CCND3: variants seen among roughly 807,000 people sequenced by gnomAD.
The protein encoded by CCND3 is cyclin D3.
In CCND3, 9 loss-of-function variants were observed where a neutral mutation model predicts 28.7. The ratio of observed to expected loss-of-function variants is 0.31; its 90% CI spans 0.19 to 0.55. The LOEUF (loss-of-function observed/expected upper bound fraction) is 0.55, where lower values mean the gene tolerates loss of function less well. Ranked by LOEUF, CCND3 falls within the 20% of genes least tolerant of loss-of-function variation. CCND3 has a pLI of 0.93. For missense variants in CCND3, 315 were observed against 385.8 expected (o/e 0.82, Z 1.54); for synonymous variants, 164 against 163.9 (o/e 1.00, Z 0.00).
At position 41,936,069 on chromosome 6, in the gene CCND3, T is replaced by C; in HGVS notation, c.750A>G (p.Ala250=). The change falls in exon 5 of 5, where the codon GCA becomes GCG. Residue 250 remains alanine, a synonymous_variant. Transcript: ENST00000372991. This position sits in a 1 kb window ranked among gnomAD's most constrained non-coding sequence, Gnocchi z 4.4. ...LRACQEQIEA[A]LRESLREASQ... ...AGGCTTCCCTGAGGCTCTCCCTGAGTGCAGCTTCGATCTGCTCCTGACAGG... is the reference window on the plus strand; with the variant it reads ...AGGCTTCCCTGAGGCTCTCCCTGAGCGCAGCTTCGATCTGCTCCTGACAGG... 1.9e-6 allele frequency: 3 copies of C among 1,610,758 alleles called. No homozygotes were observed. Among genetic ancestry groups the C allele is most frequent in the South Asian group, 2.2e-5 (2 of 90,880 alleles).
At chr6:42,027,363 G>A (rs1457003829) in intron 1 of CCND3, among the ~76,000 whole-genome samples, 1 of 151,688 alleles carries the variant, frequency 6.6e-6, no homozygotes, top group African/African-American at 2.4e-5. Context: ...TGGCGTGAAC[G>A]CGGGAGGCAG....
intron 1 of CCND3, among the ~76,000 whole-genome samples, chr6:41,987,935 T>C (rs1329986822): frequency 3.3e-5 from 5 of 152,022 alleles, no homozygotes; most frequent in African/African-American, 7.2e-5. Context: ...CTCTTCTCTC[T>C]TTTTTATCTC....
chr6:41,987,517 C>G (rs9381108), intron 1 of CCND3, among the ~76,000 whole-genome samples: 16,461 of 59,434 alleles, frequency 0.28, 1,538 homozygotes, highest in Middle Eastern at 0.37. Context: ...CTCTCTCTCT[C>G]TGTGTGTGTG....
chr6:42,008,016 G>C (rs1239745653), intron 1 of CCND3, among the ~76,000 whole-genome samples: 1 of 152,084 alleles, frequency 6.6e-6, no homozygotes, highest in East Asian at 1.9e-4. Context: ...GAAGTGGGGA[G>C]AGGAAGAAAG....
Position 41,959,243 on chromosome 6 carries a change from G to A in CCND3, c.-45-18658C>T, listed in dbSNP as rs181704470. Among the ~76,000 whole-genome samples the A allele has an allele frequency of 1.3e-3, 199 of 152,304 alleles. 1 individual carries two copies. Among genetic ancestry groups the A allele is most frequent in the African/African-American group, 4.5e-3 (186 of 41,568 alleles). On this transcript the variant is annotated intron_variant, in intron 1 of 4. Coordinates refer to the CCND3 transcript ENST00000372988. Reference sequence around the variant, plus strand: ...GCAGGAGAATGGCTCGAAACCAGGAGGCGGAGGTTGCGGTGAGCCGAGATT... The same window carrying A: ...GCAGGAGAATGGCTCGAAACCAGGAAGCGGAGGTTGCGGTGAGCCGAGATT...
At chr6:42,040,051 A>G (rs1484770770) in intron 1 of CCND3, among the ~76,000 whole-genome samples, 1 of 152,232 alleles carries the variant, frequency 6.6e-6, no homozygotes, top group Non-Finnish European at 1.5e-5. Flanking sequence ...CAGGGAACCC[A>G]GTGTAATCTC....
At chr6:42,045,567 G>A (rs1195521022) in intron 1 of CCND3, among the ~76,000 whole-genome samples, 1 of 152,182 alleles carries the variant, frequency 6.6e-6, no homozygotes, top group Non-Finnish European at 1.5e-5. Flanking sequence ...AAAGTGAAGG[G>A]GCCAAAGAAG....
intron 1 of CCND3, among the ~76,000 whole-genome samples, chr6:41,991,925 T>G (rs1762659177): frequency 6.6e-6 from 1 of 152,232 alleles, no homozygotes; most frequent in Non-Finnish European, 1.5e-5. Context: ...ATGACAGGAT[T>G]TCATTCTTTT....
At chr6:41,951,017 C>A (rs1289129803) in intron 1 of CCND3, among the ~76,000 whole-genome samples, 1 of 151,904 alleles carries the variant, frequency 6.6e-6, no homozygotes, top group Non-Finnish European at 1.5e-5. Context: ...CGAGAAGCCA[C>A]CCTTTTAAGC....
intron 1 of CCND3, among the ~76,000 whole-genome samples, chr6:42,040,431 AAAC>A (rs1250939995): frequency 6.6e-6 from 1 of 151,372 alleles, no homozygotes; most frequent in East Asian, 2.0e-4. Flanking sequence ...ACAAAAACAA[AAAC>A]AACAACAAAA....
chr6:41,987,503 CTCTCTCTCTCTCTCTGTGTGTGTG>C (rs1408002221), intron 1 of CCND3, among the ~76,000 whole-genome samples: 184 of 105,848 alleles, frequency 1.7e-3, no homozygotes, highest in African/African-American at 5.3e-3. Context: ...CTCTCTCTCT[CTCTCTCTCTCTCTCTGTGTGTGTG>C]TGTGTGTGTG....
At chr6:42,020,381 A>G (rs557363132) in intron 1 of CCND3, among the ~76,000 whole-genome samples, 1 of 152,346 alleles carries the variant, frequency 6.6e-6, no homozygotes, top group East Asian at 1.9e-4. Context: ...CTGACCCAAC[A>G]TGCAGAAGGT....
At position 41,940,982 on chromosome 6, in the gene CCND3, G is replaced by A. The variant is rs753332194; in HGVS notation, c.199-397C>T. On this transcript the variant is annotated intron_variant, in intron 1 of 4. Transcript: ENST00000372991. ...GGGAAGGGAGGAGGCTCCTGCCGCT[G>A]CCTCCTGCACTTTTCATTTCCCTGT... is the stretch of plus-strand genomic sequence containing the variant. 6 of 1,612,876 alleles carry A rather than the reference G, an allele frequency of 3.7e-6. No individual in the cohort carries two copies. In the African/African-American group the frequency reaches 5.3e-5, roughly 14 times the overall value.
intron 1 of CCND3, among the ~76,000 whole-genome samples, chr6:42,024,721 C>G (rs1351386685): frequency 6.6e-6 from 1 of 152,042 alleles, no homozygotes; most frequent in East Asian, 1.9e-4. Context: ...AGGAGTTTGA[C>G]ACCAGCCTGG....
intron 1 of CCND3, among the ~76,000 whole-genome samples, chr6:41,967,680 T>C (rs1031565842): frequency 1.3e-5 from 2 of 152,106 alleles, no homozygotes; most frequent in African/African-American, 4.8e-5. Context: ...ACACTTGGAG[T>C]CCACACTGAG....
At chr6:42,007,726 G>A (rs912228663) in intron 1 of CCND3, among the ~76,000 whole-genome samples, 2 of 152,228 alleles carry the variant, frequency 1.3e-5, no homozygotes, top group Admixed American at 6.5e-5. Flanking sequence ...TGCATGTGCT[G>A]CGAGAGCCAG....
At position 41,940,451 on chromosome 6, in the gene CCND3, G is replaced by C; in HGVS notation, c.333C>G (p.Ser111=). 1.9e-6 allele frequency: 3 copies of C among 1,614,150 alleles called. No individual in the cohort carries two copies. The highest frequency in any genetic ancestry group is 2.5e-6 in the Non-Finnish European group (3 of 1,180,030). The part of the protein sequence containing the change: ...LLGAVCMLLA[S]KLRETTPLTI... ...TCAGGGGCGTGGTCTCGCGCAGCTT[G>C]GAGGCCAGCAGCATGCAGACCGCAC... Residue 111 remains serine (S), a synonymous_variant, in exon 2 of 5, where the codon TCC becomes TCG. Coordinates refer to ENST00000372991, the MANE Select transcript of CCND3 (RefSeq NM_001760.5).
intron 1 of CCND3, among the ~76,000 whole-genome samples, chr6:42,039,962 C>T (rs569154800): frequency 6.6e-6 from 1 of 152,372 alleles, no homozygotes; most frequent in East Asian, 1.9e-4. Flanking sequence ...TGCATCCCTG[C>T]ATGTCACGCA....
intron 1 of CCND3, among the ~76,000 whole-genome samples, chr6:42,019,294 C>G (rs1007267340): frequency 6.6e-6 from 1 of 152,044 alleles, no homozygotes; most frequent in Non-Finnish European, 1.5e-5. Context: ...TCGAGACCAG[C>G]CTGACCAACA....
Sources: gnomAD v4.1 joint callset for allele counts (sites outside exome capture counted in the v4.1 genomes callset) on GRCh38, gnomAD v4.1.1 for gene constraint, Gnocchi (gnomAD v3.1) non-coding constraint, MANE v1.5 for transcripts, NCBI Gene and HGNC (gene_info 2026-07-23, HGNC 2026-07-21) for gene names.